The following SRSF10 variants were observed in gnomAD, a reference collection of about 807,000 sequenced individuals.
SRSF10 encodes serine and arginine rich splicing factor 10.
SRSF10 carries 9 observed loss-of-function variants against 32.6 expected under a neutral mutation model. The observed-to-expected ratio is 0.28, with a 90% CI of 0.17 to 0.48. The LOEUF (loss-of-function observed/expected upper bound fraction) is 0.48, where lower values mean the gene tolerates loss of function less well. Ranked by LOEUF, SRSF10 falls within the 20% of genes least tolerant of loss-of-function variation. The pLI is 0.99. For synonymous variants in SRSF10, 105 were observed against 112.4 expected (o/e 0.93, Z 0.42); for missense variants, 201 against 331.8 (o/e 0.61, Z 3.06).
chr1:23,968,064 C>T lies in SRSF10; in HGVS notation c.*3078G>A. 1.3e-6 allele frequency: 2 copies of T among 1,501,860 alleles called. No homozygotes were observed. Among genetic ancestry groups the T allele is most frequent in the Non-Finnish European group, 1.8e-6 (2 of 1,131,914 alleles). The allele number at this position is 1,501,860 out of a possible 1,614,324, so 93.0% of individuals were successfully genotyped here. A position where few individuals can be genotyped will look rare whatever the true frequency, so the allele number is the denominator to read the frequency against. On this transcript the variant is annotated 3_prime_UTR_variant, in exon 6 of 6. Transcript: ENST00000492112. Reference sequence around the variant, plus strand: ...TAACCATTCTATTTATCATTGAGCCCAGTCATACACAGTAGGTAAACTCAG... The same window carrying T: ...TAACCATTCTATTTATCATTGAGCCTAGTCATACACAGTAGGTAAACTCAG...
intron 2 of SRSF10, 144 bp downstream of exon 2, chr1:23,978,569 T>C: frequency 9.5e-7 from 1 of 1,048,448 alleles, no homozygotes; most frequent in Non-Finnish European, 1.3e-6. Flanking sequence ...GAGCAATGTG[T>C]GAGTCAGAAT....
In SRSF10 at chr1:23,966,738, C is replaced by A. The variant is rs1641470331; in HGVS notation, c.*4404G>T. Reference sequence around the variant, plus strand: ...TAACTCTAGTATATTACAGTCACTGCACAATAAACCAGTTTATTACAGATT... The same window carrying A: ...TAACTCTAGTATATTACAGTCACTGAACAATAAACCAGTTTATTACAGATT... On this transcript the variant is annotated 3_prime_UTR_variant, in exon 6 of 6. Transcript: ENST00000492112. The A allele has an allele frequency of 6.6e-6, 1 of 151,924 alleles. No homozygotes were observed. The highest frequency in any genetic ancestry group is 6.6e-5 in the Admixed American group (1 of 15,256). 9.4% of individuals were successfully genotyped at this position (151,924 alleles called of 1,614,324 possible). A position where few individuals can be genotyped will look rare whatever the true frequency, so the allele number is the denominator to read the frequency against.
rs1641657873 is a variant in SRSF10 at position 23,970,156 on chromosome 1, C to T, written c.*986G>A. 1.0e-6 allele frequency: 1 copy of T among 985,202 alleles called. No homozygotes were observed. The highest frequency in any genetic ancestry group is 1.2e-6 in the Non-Finnish European group (1 of 829,920). 61.0% of individuals were successfully genotyped at this position (985,202 alleles called of 1,614,324 possible). A position where few individuals can be genotyped will look rare whatever the true frequency, so the allele number is the denominator to read the frequency against. On this transcript the variant is annotated 3_prime_UTR_variant, in exon 6 of 6. Coordinates refer to ENST00000492112, the MANE Select transcript of SRSF10 (RefSeq NM_054016.4). Reference sequence around the variant, plus strand: ...CCTTTTTCCTTAAAATTATTTTTGCCATCAACGACCTGCTCAAATTTTAAG... The same window carrying T: ...CCTTTTTCCTTAAAATTATTTTTGCTATCAACGACCTGCTCAAATTTTAAG...
chr1:23,974,100 T>C (rs1435187503), intron 3 of SRSF10, among the ~76,000 whole-genome samples: 1 of 151,732 alleles, frequency 6.6e-6, no homozygotes, highest in Admixed American at 6.6e-5. Context: ...CAAGCAATTC[T>C]CCTGCCTCAG....
Position 23,971,643 on chromosome 1 carries a change from A to G in SRSF10, c.438-17T>C. On this transcript the variant is annotated splice_polypyrimidine_tract_variant and intron_variant, in intron 4 of 5. Coordinates refer to ENST00000492112, the MANE Select transcript of SRSF10 (RefSeq NM_054016.4). ...GGTCTACTGCTAAAAAGCATATCAG[A>G]AAAAGCAGTGACAAATATCTATTCA... 3 of 1,607,188 alleles carry G rather than the reference A, an allele frequency of 1.9e-6. No individual in the cohort carries two copies. Among genetic ancestry groups the G allele is most frequent in the Non-Finnish European group, 2.5e-6 (3 of 1,178,758 alleles).
At position 23,970,924 on chromosome 1, in the gene SRSF10, A is replaced by C. The variant is rs1570769674; in HGVS notation, c.*218T>G. ...AATCTTTACAAAAATATACAGAGAC[A>C]CCACAAATTGGTAGCTGCCCATAAC... On this transcript the variant is annotated 3_prime_UTR_variant, in exon 6 of 6. Coordinates refer to ENST00000492112, the MANE Select transcript of SRSF10 (RefSeq NM_054016.4). 8.0e-7 allele frequency: 1 copy of C among 1,254,160 alleles called. No homozygotes were observed. The highest frequency in any genetic ancestry group is 1.0e-6 in the Non-Finnish European group (1 of 1,000,058). 77.7% of individuals were successfully genotyped at this position (1,254,160 alleles called of 1,614,324 possible). A position where few individuals can be genotyped will look rare whatever the true frequency, so the allele number is the denominator to read the frequency against.
At chr1:23,972,111 C>T in intron 3 of SRSF10, 99 bp from the exon 4 acceptor site, 1 of 1,056,218 alleles carries the variant, frequency 9.5e-7, no homozygotes, top group Non-Finnish European at 1.3e-6. Context: ...CTCTTATATC[C>T]CAAAGAGAGT....
At position 23,967,977 on chromosome 1, in the gene SRSF10, T is replaced by C; in HGVS notation, c.*3165A>G. 2 of 1,443,934 alleles carry C rather than the reference T, an allele frequency of 1.4e-6. No individual in the cohort carries two copies. The highest frequency in any genetic ancestry group is 1.8e-6 in the Non-Finnish European group (2 of 1,082,068). 89.4% of individuals were successfully genotyped at this position (1,443,934 alleles called of 1,614,324 possible). A position where few individuals can be genotyped will look rare whatever the true frequency, so the allele number is the denominator to read the frequency against. ...CTTGGCTTCAAAAAAAAAAAAAAAA[T>C]GCAGAGAGATCTTAAGTAAAAGGAG... On this transcript the variant is annotated 3_prime_UTR_variant, in exon 6 of 6. Coordinates refer to ENST00000492112, the MANE Select transcript of SRSF10 (RefSeq NM_054016.4).
intron 4 of SRSF10, 61 bp downstream of exon 4, chr1:23,971,789 A>C (rs1169338360): frequency 6.5e-7 from 1 of 1,549,528 alleles, no homozygotes; most frequent in Non-Finnish European, 8.7e-7. Context: ...ATAGTAAAAA[A>C]AAATTAAATG....
intron 3 of SRSF10, among the ~76,000 whole-genome samples, chr1:23,973,182 T>C (rs1570776573): frequency 6.6e-6 from 1 of 152,258 alleles, no homozygotes; most frequent in African/African-American, 2.4e-5. Flanking sequence ...GAAAGTGTAT[T>C]AGAAGACTGT....
At position 23,971,618 on chromosome 1, in the gene SRSF10, G is replaced by A. The variant is rs1641757890; in HGVS notation, c.446C>T (p.Pro149Leu). ...TCTGCTACGCCGTGGTCTTCCAGTC[G>A]GTCTACTGCTAAAAAGCATATCAGA... ...RRSYSPRNSR[P>L]TGRPRRSRSH... The change falls in exon 5 of 6, where the codon CCG (proline) becomes CTG (leucine). Residue 149 changes from proline (P) to leucine (L), a missense_variant. Coordinates refer to ENST00000492112, the MANE Select transcript of SRSF10 (RefSeq NM_054016.4). 41 of 1,610,300 alleles carry A rather than the reference G, an allele frequency of 2.5e-5. No individual in the cohort carries two copies. The highest frequency in any genetic ancestry group is 4.4e-5 in the South Asian group (4 of 90,264).
intron 1 of SRSF10, among the ~76,000 whole-genome samples, chr1:23,979,629 T>C (rs1270420759): frequency 6.6e-6 from 1 of 152,152 alleles, no homozygotes; most frequent in Admixed American, 6.5e-5. Context: ...GAAAAACTAC[T>C]CGCAACATTT....
At position 23,968,048 on chromosome 1, in the gene SRSF10, T is replaced by C; in HGVS notation, c.*3094A>G. ...CATTTGAGTGTTGATATAACCATTC[T>C]ATTTATCATTGAGCCCAGTCATACA... is the stretch of plus-strand genomic sequence containing the variant. On this transcript the variant is annotated 3_prime_UTR_variant, in exon 6 of 6. Transcript: ENST00000492112. The C allele has an allele frequency of 1.3e-6, 2 of 1,522,818 alleles. No homozygotes were observed. 94.3% of individuals were successfully genotyped at this position (1,522,818 alleles called of 1,614,324 possible). A position where few individuals can be genotyped will look rare whatever the true frequency, so the allele number is the denominator to read the frequency against.
chr1:23,980,068 C>T (rs1360626678), intron 1 of SRSF10, 123 bp downstream of exon 1: 28 of 1,113,174 alleles, frequency 2.5e-5, no homozygotes, highest in Non-Finnish European at 3.5e-5. Flanking sequence ...GGCGCCAAAG[C>T]GGGCGCGGGA....
At chr1:23,979,909 C>T (rs779099445) in intron 1 of SRSF10, among the ~76,000 whole-genome samples, 1 of 151,648 alleles carries the variant, frequency 6.6e-6, no homozygotes, top group African/African-American at 2.4e-5. Flanking sequence ...CGGCGGGGGG[C>T]TGCTCGCGCC....
Position 23,967,778 on chromosome 1 carries a change from T to C in SRSF10, c.*3364A>G, listed in dbSNP as rs1641522192. The C allele has an allele frequency of 1.2e-6, 2 of 1,601,510 alleles. No homozygotes were observed. Among genetic ancestry groups the C allele is most frequent in the Non-Finnish European group, 8.5e-7 (1 of 1,173,530 alleles). On this transcript the variant is annotated 3_prime_UTR_variant, in exon 6 of 6. Transcript: ENST00000492112. The stretch of plus-strand genomic sequence containing the variant: ...TGGTTTCCTTTATTCTTCTCTGTGG[T>C]ATACAGGATTTTGTTAGTTGAACTG...
At chr1:23,978,154 T>C (rs1329820565) in intron 2 of SRSF10, 1 of 985,362 alleles carries the variant, frequency 1.0e-6, no homozygotes, top group African/African-American at 1.7e-5. Context: ...TCCCTTCTCT[T>C]CAAGCCTGAT....
intron 1 of SRSF10, 54 bp downstream of exon 1, chr1:23,980,137 T>G (rs1642374698): frequency 6.6e-7 from 1 of 1,511,200 alleles, no homozygotes; most frequent in East Asian, 2.7e-5. Flanking sequence ...CAGGGTCCTC[T>G]CCAGGCGCCT....
At position 23,964,884 on chromosome 1, in the gene SRSF10, GCCTTTTACT is replaced by G. The variant is rs1229618400; in HGVS notation, c.*6249_*6257del. On this transcript the variant is annotated 3_prime_UTR_variant, in exon 6 of 6. Transcript: ENST00000492112. Reference sequence around the variant, plus strand: ...GATCTGCAAAAAACTAGATACAAAGGCCTTTTACTTCTTTACAAACTACGGTTAGTTCTC... The same window carrying G: ...GATCTGCAAAAAACTAGATACAAAGGTCTTTACAAACTACGGTTAGTTCTC... The G allele has an allele frequency of 6.6e-6, 1 of 151,872 alleles. No homozygotes were observed. Among genetic ancestry groups the G allele is most frequent in the African/African-American group, 2.4e-5 (1 of 41,406 alleles). The allele number at this position is 151,872 out of a possible 1,614,324, so 9.4% of individuals were successfully genotyped here. A position where few individuals can be genotyped will look rare whatever the true frequency, so the allele number is the denominator to read the frequency against.
Sources: allele counts gnomAD v4.1 joint callset (sites outside exome capture counted in the v4.1 genomes callset), GRCh38; gene constraint gnomAD v4.1.1; transcripts MANE v1.5; gene names NCBI Gene and HGNC (gene_info 2026-07-23, HGNC 2026-07-21).